USP7: variants seen among roughly 807,000 people sequenced by gnomAD.
USP7 encodes ubiquitin C-terminal hydrolase 7.
USP7 carries 9 observed loss-of-function variants against 162.9 expected under a neutral mutation model. The observed-to-expected ratio is 0.06, with a 90% CI of 0.03 to 0.10. The LOEUF is 0.10. Ranked by LOEUF, USP7 falls within the 10% of genes least tolerant of loss-of-function variation. The probability of loss-of-function intolerance (pLI) is 1.00; values close to 1 mark genes in which losing one functional copy is unlikely to be tolerated. For missense variants in USP7, 715 were observed against 1,373.7 expected (o/e 0.52, Z 7.58); for synonymous variants, 562 against 475.9 (o/e 1.18, Z -2.35).
chr16:8,941,132 C>T (rs892498972), intron 1 of USP7, among the ~76,000 whole-genome samples: 5 of 152,188 alleles, frequency 3.3e-5, no homozygotes, highest in African/African-American at 4.8e-5. Flanking sequence ...GGCCCATGCC[C>T]CATGCCCATG....
At chr16:8,894,431 G>A in intron 30 of USP7, 119 bp downstream of exon 30, 1 of 926,128 alleles carries the variant, frequency 1.1e-6, no homozygotes, top group Middle Eastern at 3.4e-4. Context: ...GGTTCCACAG[G>A]TCGGCCAGTG....
At chr16:8,930,039 A>T (rs1898229996) in intron 2 of USP7, among the ~76,000 whole-genome samples, 1 of 152,206 alleles carries the variant, frequency 6.6e-6, no homozygotes, top group Admixed American at 6.5e-5. Context: ...AGGCAGGAGT[A>T]AATACCCACC....
At chr16:8,910,297 G>C (rs963513427) in intron 11 of USP7, among the ~76,000 whole-genome samples, 1 of 152,034 alleles carries the variant, frequency 6.6e-6, no homozygotes, top group Non-Finnish European at 1.5e-5. Flanking sequence ...AGAAACCTGG[G>C]GGACACAACC....
intron 1 of USP7, among the ~76,000 whole-genome samples, chr16:8,949,006 T>C (rs1227747003): frequency 2.0e-5 from 3 of 152,100 alleles, no homozygotes; most frequent in African/African-American, 4.8e-5. Flanking sequence ...ATGTCTAGAA[T>C]AGGCAAATCC....
At chr16:8,936,130 T>C (rs909268276) in intron 1 of USP7, among the ~76,000 whole-genome samples, 2 of 152,206 alleles carry the variant, frequency 1.3e-5, no homozygotes, top group African/African-American at 2.4e-5. Flanking sequence ...GGTGGTGCCT[T>C]GTCCATGAAG....
intron 2 of USP7, among the ~76,000 whole-genome samples, chr16:8,924,500 GT>G (rs1384109669): frequency 6.6e-6 from 1 of 152,270 alleles, no homozygotes; most frequent in Non-Finnish European, 1.5e-5. Flanking sequence ...TTAGAATCAG[GT>G]GCTATTTTGA....
rs183268880 is a variant in USP7 at position 8,960,139 on chromosome 16, T to C, written c.79+3068A>G. Among the ~76,000 whole-genome samples the C allele has an allele frequency of 1.3e-3, 195 of 152,304 alleles. 3 individuals carry two copies. Among genetic ancestry groups the C allele is most frequent in the South Asian group, 5.8e-3 (28 of 4,822 alleles). On this transcript the variant is annotated intron_variant, in intron 1 of 30. Coordinates refer to ENST00000344836, the MANE Select transcript of USP7 (RefSeq NM_003470.3). ...TTCCATGGCCACCAAAGTTAGCGAA[T>C]AAATAATACACTGCCAAGCAACCTT...
intron 1 of USP7, among the ~76,000 whole-genome samples, chr16:8,932,615 A>T (rs79557410): frequency 3.6e-5 from 3 of 82,972 alleles, no homozygotes; most frequent in South Asian, 1.0e-3. Context: ...TGCTAAATTT[A>T]AAAAAGAGAA....
rs752462798 is a variant in USP7, at chr16:8,920,345, A to C, written c.611+14T>G. 1 of 1,601,472 alleles carries C rather than the reference A, an allele frequency of 6.2e-7. No homozygotes were observed. The highest frequency in any genetic ancestry group is 1.4e-5 in the African/African-American group (1 of 74,012). On this transcript the variant is annotated intron_variant, in intron 5 of 30. Coordinates refer to ENST00000344836, the MANE Select transcript of USP7 (RefSeq NM_003470.3). The stretch of plus-strand genomic sequence containing the variant: ...AAGACATTTTTAACAGCACCTGATT[A>C]AAGAAAAACTTACGCAACTCCATGG...
intron 11 of USP7, among the ~76,000 whole-genome samples, chr16:8,909,130 C>T (rs2061904150): frequency 6.6e-6 from 1 of 152,246 alleles, no homozygotes; most frequent in African/African-American, 2.4e-5. Context: ...GGACACCGGA[C>T]TCTAAGCTCT....
intron 21 of USP7, chr16:8,899,993 T>A (rs1034445333): frequency 1.7e-6 from 1 of 587,386 alleles, no homozygotes; most frequent in Non-Finnish European, 3.0e-6. Flanking sequence ...CTCATCCCAC[T>A]ACAAAACAAA....
chr16:8,961,245 C>T (rs907464813), intron 1 of USP7, among the ~76,000 whole-genome samples: 3 of 152,082 alleles, frequency 2.0e-5, no homozygotes, highest in African/African-American at 7.2e-5. Context: ...GTAATCTCAG[C>T]AGTTTGGAAG....
chr16:8,935,253 T>G (rs1253354290), intron 1 of USP7, among the ~76,000 whole-genome samples: 1 of 146,704 alleles, frequency 6.8e-6, no homozygotes, highest in Non-Finnish European at 1.5e-5. Context: ...CAGGCTGGAG[T>G]GCAATAGTGT....
Position 8,898,564 on chromosome 16 carries a change from C to T in USP7, c.2607G>A (p.Lys869=), listed in dbSNP as rs1397729569. 5 of 1,612,222 alleles carry T rather than the reference C, an allele frequency of 3.1e-6. No homozygotes were observed. The highest frequency in any genetic ancestry group is 1.3e-5 in the African/African-American group (1 of 74,764). ...GTLRDLLQFF[K]PRQPKKLYYQ... ...AGTAAAGTTTCTTAGGTTGTCTAGG[C>T]TTGAAGAACTGTAGAAGATCTCTTA... Residue 869 remains lysine (K), a synonymous_variant, in exon 24 of 31, where the codon AAG becomes AAA. Coordinates refer to ENST00000344836, the MANE Select transcript of USP7 (RefSeq NM_003470.3).
At chr16:8,925,152 G>A (rs767344359) in intron 2 of USP7, among the ~76,000 whole-genome samples, 3 of 152,218 alleles carry the variant, frequency 2.0e-5, no homozygotes, top group Non-Finnish European at 2.9e-5. Context: ...TTTTAGGTGA[G>A]GAAATGGAGG....
At position 8,892,541 on chromosome 16, in the gene USP7, T is replaced by C. The variant is rs1298075070; in HGVS notation, c.*1457A>G. On this transcript the variant is annotated 3_prime_UTR_variant, in exon 31 of 31. Coordinates refer to ENST00000344836, the MANE Select transcript of USP7 (RefSeq NM_003470.3). ...TCAGGTCACATCTCCAGTCACCTTA[T>C]TTGTACACAGTTCTCTCCTGGAAAA... The C allele has an allele frequency of 6.6e-6, 1 of 150,768 alleles. No homozygotes were observed. Among genetic ancestry groups the C allele is most frequent in the Non-Finnish European group, 1.5e-5 (1 of 67,886 alleles). 9.3% of individuals were successfully genotyped at this position (150,768 alleles called of 1,614,324 possible). A position where few individuals can be genotyped will look rare whatever the true frequency, so the allele number is the denominator to read the frequency against.
At chr16:8,895,854 T>C (rs2141160459) in intron 26 of USP7, 113 bp from the exon 27 acceptor site, 1 of 712,156 alleles carries the variant, frequency 1.4e-6, no homozygotes, top group East Asian at 3.2e-5. Context: ...TTTTTTTTTT[T>C]TTGAGACAGT....
At chr16:8,915,167 T>TA (rs1182799079) in intron 10 of USP7, 87 bp downstream of exon 10, 8 of 1,275,818 alleles carry the variant, frequency 6.3e-6, no homozygotes, top group African/African-American at 3.0e-5. Flanking sequence ...TTAGACTATT[T>TA]AAAAAAACAT....
chr16:8,935,128 T>C (rs1418750375), intron 1 of USP7, among the ~76,000 whole-genome samples: 2 of 152,184 alleles, frequency 1.3e-5, no homozygotes, highest in Admixed American at 1.3e-4. Flanking sequence ...AATACCAAGT[T>C]TTATATGCCA....
Sources: gnomAD v4.1 joint callset for allele counts (sites outside exome capture counted in the v4.1 genomes callset) on GRCh38, gnomAD v4.1.1 for gene constraint, MANE v1.5 for transcripts, NCBI Gene and HGNC (gene_info 2026-07-23, HGNC 2026-07-21) for gene names.